Variants in EXOC4 observed in about 807,000 individuals in gnomAD.
The protein encoded by EXOC4 is exocyst complex component 4, also known as SEC8-like 1.
Under a neutral mutation model 107.2 loss-of-function variants are expected in EXOC4, and 71 were observed. The ratio of observed to expected loss-of-function variants is 0.66; its 90% CI spans 0.55 to 0.81. The LOEUF is 0.81. Among genes scored for constraint, EXOC4 ranks in the 30% least tolerant of loss-of-function variants. The pLI, the probability that EXOC4 is intolerant of heterozygous loss-of-function variation, is 0.00. For missense variants in EXOC4, 1,108 were observed against 1,189.6 expected (o/e 0.93, Z 1.01); for synonymous variants, 456 against 441.2 (o/e 1.03, Z -0.42).
chr7:133,802,383 T>C (rs1796965785), intron 10 of EXOC4, among the ~76,000 whole-genome samples: 1 of 152,242 alleles, frequency 6.6e-6, no homozygotes, highest in South Asian at 2.1e-4. Context: ...ACTTGACTTA[T>C]AAGACTTGGC....
chr7:133,764,605 G>A (rs1205745358), intron 10 of EXOC4, among the ~76,000 whole-genome samples: 2 of 151,960 alleles, frequency 1.3e-5, no homozygotes, highest in African/African-American at 2.4e-5. Context: ...TTTCCTGTGA[G>A]GATTAGGAAA....
intron 9 of EXOC4, among the ~76,000 whole-genome samples, chr7:133,520,924 T>C (rs1799966875): frequency 6.6e-6 from 1 of 152,152 alleles, no homozygotes; most frequent in South Asian, 2.1e-4. Flanking sequence ...AGCACCAGTA[T>C]GATGAGGGAA....
At chr7:133,518,296 T>G (rs182907700) in intron 9 of EXOC4, among the ~76,000 whole-genome samples, 79 of 150,124 alleles carry the variant, frequency 5.3e-4, no homozygotes, top group Non-Finnish European at 9.2e-4. Context: ...CCACCCCCTT[T>G]TTTTTTTCGT....
intron 17 of EXOC4, among the ~76,000 whole-genome samples, chr7:134,044,388 C>T (rs1046910061): frequency 1.3e-5 from 2 of 152,264 alleles, no homozygotes; most frequent in East Asian, 1.9e-4. Context: ...ACCTCTGCTG[C>T]GTCCTGCCTA....
chr7:133,556,460 A>G (rs1000330224), intron 9 of EXOC4, among the ~76,000 whole-genome samples: 2 of 152,114 alleles, frequency 1.3e-5, no homozygotes, highest in Non-Finnish European at 2.9e-5. Flanking sequence ...TTTCTTATCC[A>G]TCTTCAAATC....
intron 7 of EXOC4, among the ~76,000 whole-genome samples, chr7:133,432,679 G>C (rs7786863): frequency 0.99 from 151,379 of 152,332 alleles, 75,227 homozygotes; most frequent in East Asian, 1. Context: ...AATAGCTGCT[G>C]TAAATCTGTT....
chr7:133,368,063 T>G (rs1796284927), intron 6 of EXOC4, among the ~76,000 whole-genome samples: 1 of 152,226 alleles, frequency 6.6e-6, no homozygotes, highest in African/African-American at 2.4e-5. Flanking sequence ...TCGTTTGCCC[T>G]CAAAATTTGA....
Position 133,305,979 on chromosome 7 carries a change from C to G in EXOC4, c.574C>G (p.Leu192Val). ...CAAGAAGATGAACCTTCACTTGGTTCTCATAGATGAACTACACCGGCACCT... is the reference window on the plus strand; with the variant it reads ...CAAGAAGATGAACCTTCACTTGGTTGTCATAGATGAACTACACCGGCACCT... Reference protein sequence around the residue: ...HSKKMNLHLVLIDELHRHLYI... With the variant: ...HSKKMNLHLVVIDELHRHLYI... Residue 192 changes from leucine (L) to valine (V), a missense_variant, in exon 4 of 18, where the codon CTC (leucine) becomes GTC (valine). Physicochemically the swap from Leu to Val is conservative, Grantham distance 32. Coordinates refer to ENST00000253861, the MANE Select transcript of EXOC4 (RefSeq NM_021807.4). 1 of 1,613,852 alleles carries G rather than the reference C, an allele frequency of 6.2e-7. No individual in the cohort carries two copies. The highest frequency in any genetic ancestry group is 2.2e-5 in the East Asian group (1 of 44,856).
intron 17 of EXOC4, among the ~76,000 whole-genome samples, chr7:134,013,958 CA>C (rs1171502789): frequency 1.3e-5 from 2 of 152,128 alleles, no homozygotes; most frequent in East Asian, 3.9e-4. Context: ...TAAAATGGTG[CA>C]GCTGCATCAT....
intron 9 of EXOC4, 27 bp from the exon 10 acceptor site, chr7:133,630,018 G>T: frequency 6.5e-7 from 1 of 1,540,046 alleles, no homozygotes; most frequent in Non-Finnish European, 9.0e-7. Context: ...AATGAGCTAA[G>T]TCTGTTTTTT....
intron 7 of EXOC4, among the ~76,000 whole-genome samples, chr7:133,378,812 T>TA: frequency 6.6e-6 from 1 of 151,540 alleles, no homozygotes; most frequent in Non-Finnish European, 1.5e-5. Context: ...AAAGAAACAA[T>TA]AAAAAACAAA....
At chr7:133,771,127 A>G (rs1256300295) in intron 10 of EXOC4, among the ~76,000 whole-genome samples, 2 of 151,960 alleles carry the variant, frequency 1.3e-5, no homozygotes, top group Non-Finnish European at 2.9e-5. Flanking sequence ...AGCCAAAGAT[A>G]TAGACTTATA....
intron 6 of EXOC4, among the ~76,000 whole-genome samples, chr7:133,372,415 G>A (rs927551706): frequency 2.0e-5 from 3 of 152,198 alleles, no homozygotes; most frequent in Non-Finnish European, 2.9e-5. Flanking sequence ...ATAGGAACAG[G>A]CCTGTTTTGG....
At chr7:133,540,982 A>G (rs1800368655) in intron 9 of EXOC4, among the ~76,000 whole-genome samples, 1 of 152,150 alleles carries the variant, frequency 6.6e-6, no homozygotes, top group Non-Finnish European at 1.5e-5. Context: ...TTTTAATTCT[A>G]GGAAAAGGAA....
At chr7:133,457,204 A>T (rs1016431627) in intron 7 of EXOC4, among the ~76,000 whole-genome samples, 1 of 152,164 alleles carries the variant, frequency 6.6e-6, no homozygotes, top group Non-Finnish European at 1.5e-5. Context: ...TGTTGGAATG[A>T]GCTTACTTAA....
At chr7:133,342,887 A>G (rs985759956) in intron 5 of EXOC4, among the ~76,000 whole-genome samples, 1 of 151,828 alleles carries the variant, frequency 6.6e-6, no homozygotes, top group Non-Finnish European at 1.5e-5. Context: ...ATTGTTTTTT[A>G]TTTGTGGTAT....
Position 133,860,396 on chromosome 7 carries a change from G to A in EXOC4, c.1735-35203G>A, listed in dbSNP as rs1311687960. Among the ~76,000 whole-genome samples the A allele has an allele frequency of 2.0e-5, 3 of 152,172 alleles. No individual in the cohort carries two copies. In the East Asian group the frequency reaches 5.8e-4, roughly 29 times the overall value. On this transcript the variant is annotated intron_variant, in intron 11 of 17. Transcript: ENST00000253861. ...GAGAACATCAAACTAAAAGTTCTGA[G>A]CAAGAAAGTACAAGTGCAAGCAATT...
At chr7:133,550,448 A>G (rs1166365221) in intron 9 of EXOC4, among the ~76,000 whole-genome samples, 3 of 152,180 alleles carry the variant, frequency 2.0e-5, no homozygotes, top group South Asian at 2.1e-4. Flanking sequence ...TTTAAATAAT[A>G]AAGATTTTCT....
rs147234466 is a variant in EXOC4, at chr7:133,388,372, G to A, written c.1182+13370G>A. Among the ~76,000 whole-genome samples the A allele has an allele frequency of 5.9e-4, 90 of 152,124 alleles. 1 individual carries two copies. In the East Asian group the frequency reaches 0.014, roughly 24 times the overall value. ...TTAAAATTATACCTAAAAATTGGCC[G>A]GGTATGGTGGCTCGCGTCTGTAATC... On this transcript the variant is annotated intron_variant, in intron 7 of 17. Transcript: ENST00000253861.
Sources: allele counts gnomAD v4.1 joint callset (sites outside exome capture counted in the v4.1 genomes callset), GRCh38; gene constraint gnomAD v4.1.1; transcripts MANE v1.5; gene names NCBI Gene and HGNC (gene_info 2026-07-23, HGNC 2026-07-21).